Variants in POU2F1 observed in about 807,000 individuals in gnomAD.
POU2F1 encodes POU class 2 homeobox 1, also known as POU domain, class 2, transcription factor 1.
POU2F1 carries 16 observed loss-of-function variants against 84.9 expected under a neutral mutation model. That is an observed-to-expected ratio of 0.19 (90% CI 0.13 to 0.29). The LOEUF is 0.29. Ranked by LOEUF, POU2F1 falls within the 10% of genes least tolerant of loss-of-function variation. The pLI, the probability that POU2F1 is intolerant of heterozygous loss-of-function variation, is 1.00. For missense variants in POU2F1, 738 were observed against 942.6 expected, an observed-to-expected ratio of 0.78 and a Z score of 2.84; for synonymous variants, 368 against 368.3, an observed-to-expected ratio of 1.00 and a Z score of 0.01.
intron 1 of POU2F1, 56 bp downstream of exon 1, chr1:167,221,014 G>GC (rs574529629): frequency 0.062 from 80,382 of 1,304,496 alleles, 1,655 homozygotes; most frequent in African/African-American, 0.072. Flanking sequence ...GGCTCCCGCT[G>GC]CCCCCCCCCG....
intron 3 of POU2F1, among the ~76,000 whole-genome samples, chr1:167,368,913 G>A (rs1323043625): frequency 2.0e-5 from 3 of 152,060 alleles, no homozygotes; most frequent in African/African-American, 7.2e-5. Flanking sequence ...CCCTGTTAGT[G>A]GTACTACCAT....
At chr1:167,245,765 C>T (rs1249366375) in intron 1 of POU2F1, among the ~76,000 whole-genome samples, 1 of 152,152 alleles carries the variant, frequency 6.6e-6, no homozygotes, top group Non-Finnish European at 1.5e-5. Context: ...CTGTATTGCC[C>T]AGGCTAGTCT....
At chr1:167,230,695 T>C (rs1649004460) in intron 1 of POU2F1, among the ~76,000 whole-genome samples, 1 of 152,248 alleles carries the variant, frequency 6.6e-6, no homozygotes, top group African/African-American at 2.4e-5. Flanking sequence ...TTGTGTTCAG[T>C]TACCCAATTC....
At chr1:167,366,251 C>T (rs1659679394) in intron 3 of POU2F1, among the ~76,000 whole-genome samples, 1 of 152,166 alleles carries the variant, frequency 6.6e-6, no homozygotes, top group Non-Finnish European at 1.5e-5. Context: ...GCTAGATTAT[C>T]AGAGTGTCTC....
chr1:167,403,034 A>T (rs1365874555), intron 13 of POU2F1, among the ~76,000 whole-genome samples: 3 of 152,258 alleles, frequency 2.0e-5, no homozygotes, highest in Non-Finnish European at 4.4e-5. Context: ...TTTAATACTC[A>T]AAACTAGCTA....
chr1:167,238,972 C>T (rs1027661512), intron 1 of POU2F1, among the ~76,000 whole-genome samples: 6 of 152,096 alleles, frequency 3.9e-5, no homozygotes, highest in African/African-American at 1.4e-4. Flanking sequence ...CTCTAGGCTC[C>T]CCTTTCCTAT....
intron 1 of POU2F1, among the ~76,000 whole-genome samples, chr1:167,273,826 C>T (rs906167721): frequency 2.0e-5 from 3 of 152,002 alleles, no homozygotes; most frequent in Admixed American, 2.0e-4. Flanking sequence ...CTTCATATTG[C>T]TTAAGATAGA....
chr1:167,366,945 T>C (rs1557930998), intron 3 of POU2F1, among the ~76,000 whole-genome samples: 1 of 152,142 alleles, frequency 6.6e-6, no homozygotes, highest in African/African-American at 2.4e-5. Flanking sequence ...TCACTGAGGG[T>C]GCACAGATGA....
chr1:167,311,804 A>T (rs1056996421), intron 1 of POU2F1, among the ~76,000 whole-genome samples: 32 of 150,762 alleles, frequency 2.1e-4, no homozygotes, highest in African/African-American at 7.1e-4. Context: ...TTATTTATTT[A>T]TTTATTTTTT....
chr1:167,255,808 A>G (rs768139404), intron 1 of POU2F1, among the ~76,000 whole-genome samples: 2 of 152,180 alleles, frequency 1.3e-5, no homozygotes, highest in Non-Finnish European at 2.9e-5. Flanking sequence ...TATATGAAGA[A>G]TATGGTTGAT....
At chr1:167,316,757 A>T (rs946345432) in intron 1 of POU2F1, among the ~76,000 whole-genome samples, 1 of 152,230 alleles carries the variant, frequency 6.6e-6, no homozygotes, top group African/African-American at 2.4e-5. Flanking sequence ...AATGAAATGG[A>T]ACAGTTCAAA....
rs781189487 is a variant in POU2F1, at chr1:167,413,091, A to G, written c.1967A>G (p.Asn656Ser). Reference protein sequence around the residue: ...SGALSPALMSNSTLATIQALA... With the variant: ...SGALSPALMSSSTLATIQALA... ...GCTCTCAGCCCAGCTCTAATGAGCA[A>G]CAGTACACTGGCAACTATTCAAGGT... Residue 656 changes from asparagine to serine, a missense_variant, in exon 15 of 16, where the codon AAC (asparagine) becomes AGC (serine). By Grantham distance (46) the Asn-to-Ser change is conservative. Coordinates refer to ENST00000367866, the MANE Select transcript of POU2F1 (RefSeq NM_002697.4). 5 of 1,613,878 alleles carry G rather than the reference A, an allele frequency of 3.1e-6. No individual in the cohort carries two copies. Among genetic ancestry groups the G allele is most frequent in the Admixed American group, 3.3e-5 (2 of 60,024 alleles).
chr1:167,237,351 C>A, intron 1 of POU2F1, among the ~76,000 whole-genome samples: 1 of 152,176 alleles, frequency 6.6e-6, no homozygotes, highest in East Asian at 1.9e-4. Context: ...AGTTTTTGTC[C>A]TACTATTTGG....
At chr1:167,408,078 A>T (rs182118321) in intron 13 of POU2F1, among the ~76,000 whole-genome samples, 1 of 152,354 alleles carries the variant, frequency 6.6e-6, no homozygotes, top group East Asian at 1.9e-4. Context: ...AAATGTTAGT[A>T]GACATTTTAC....
At chr1:167,372,954 TTTC>T (rs766978211) in intron 5 of POU2F1, among the ~76,000 whole-genome samples, 39 of 151,762 alleles carry the variant, frequency 2.6e-4, no homozygotes, top group Non-Finnish European at 5.0e-4. Flanking sequence ...TCTTTCTTTT[TTTC>T]CCAGTTAAGT....
At chr1:167,401,339 A>G (rs988214068) in intron 12 of POU2F1, 112 bp from the exon 13 acceptor site, 4 of 634,556 alleles carry the variant, frequency 6.3e-6, no homozygotes, top group East Asian at 3.0e-5. Flanking sequence ...CAGCTTTCCA[A>G]CATAGGATGT....
intron 1 of POU2F1, among the ~76,000 whole-genome samples, chr1:167,303,308 A>T (rs1654844711): frequency 6.6e-6 from 1 of 152,208 alleles, no homozygotes; most frequent in Non-Finnish European, 1.5e-5. Context: ...TCTGTTTTGT[A>T]GGTGAGGAAA....
At chr1:167,364,609 G>A (rs2101827742) in intron 2 of POU2F1, among the ~76,000 whole-genome samples, 1 of 130,084 alleles carries the variant, frequency 7.7e-6, no homozygotes, top group African/African-American at 3.0e-5. Flanking sequence ...ACAAGTTTTA[G>A]CTCTATTACC....
At chr1:167,256,711 G>C (rs1557850126) in intron 1 of POU2F1, among the ~76,000 whole-genome samples, 1 of 152,148 alleles carries the variant, frequency 6.6e-6, no homozygotes, top group Non-Finnish European at 1.5e-5. Flanking sequence ...CTTTGAATAA[G>C]GGAGAGTAAT....
Sources: allele counts gnomAD v4.1 joint callset (sites outside exome capture counted in the v4.1 genomes callset), GRCh38; gene constraint gnomAD v4.1.1; transcripts MANE v1.5; gene names NCBI Gene and HGNC (gene_info 2026-07-23, HGNC 2026-07-21).